The following ARHGAP32 variants were observed in gnomAD, a reference collection of about 807,000 sequenced individuals.
The protein encoded by ARHGAP32 is rho GTPase-activating protein 32.
Under a neutral mutation model 186.5 loss-of-function variants are expected in ARHGAP32, and 51 were observed. That is an observed-to-expected ratio of 0.27 (90% confidence interval 0.22 to 0.35). ARHGAP32 has a LOEUF of 0.35. Among genes scored for constraint, ARHGAP32 ranks in the 10% least tolerant of loss-of-function variants. The pLI is 1.00. For synonymous variants in ARHGAP32, 950 were observed against 964.3 expected (o/e 0.99, Z 0.27); for missense variants, 2,186 against 2,623.5 (o/e 0.83, Z 3.64).
chr11:129,257,237 T>C (rs1341135861), intron 1 of ARHGAP32, among the ~76,000 whole-genome samples: 13 of 152,202 alleles, frequency 8.5e-5, no homozygotes, highest in Admixed American at 7.2e-4. Flanking sequence ...TTTACCAATA[T>C]TGAAATATTT....
chr11:129,086,753 A>G (rs534274900), intron 6 of ARHGAP32, among the ~76,000 whole-genome samples: 195 of 150,280 alleles, frequency 1.3e-3, no homozygotes, highest in Middle Eastern at 6.8e-3. Flanking sequence ...CCCGGGAGGC[A>G]GAGCTTGCAG....
chr11:129,104,120 T>C (rs1941981961), intron 5 of ARHGAP32, among the ~76,000 whole-genome samples: 1 of 152,036 alleles, frequency 6.6e-6, no homozygotes, highest in Non-Finnish European at 1.5e-5. Flanking sequence ...AAAAGCATTT[T>C]CTGATGAACA....
In ARHGAP32 at chr11:128,970,387, C is replaced by A. The variant is rs747843373; in HGVS notation, c.4826G>T (p.Arg1609Leu). 11 of 1,613,994 alleles carry A rather than the reference C, an allele frequency of 6.8e-6. No homozygotes were observed. In the African/African-American group the frequency reaches 1.1e-4, roughly 16 times the overall value. Residue 1609 changes from arginine (R) to leucine (L), a missense_variant, in exon 23 of 23, where the codon CGC (arginine) becomes CTC (leucine). Physicochemically the swap from Arg to Leu is moderately radical, Grantham distance 102. Transcript: ENST00000682385. This position sits in a 1 kb window ranked among gnomAD's most constrained non-coding sequence, Gnocchi z 5.8. ...SLHAPPSSMI[R>L]SVPISRTEVP... ...TTCTGTCCGTGAAATGGGAACAGAG[C>A]GAATCATGGAAGACGGCGGAGCATG...
intron 10 of ARHGAP32, among the ~76,000 whole-genome samples, chr11:129,060,992 G>A (rs1254879711): frequency 6.6e-6 from 1 of 151,996 alleles, no homozygotes; most frequent in African/African-American, 2.4e-5. Context: ...TTAAAACCCA[G>A]ACAATCTGGA....
intron 2 of ARHGAP32, among the ~76,000 whole-genome samples, chr11:129,127,180 C>T (rs946867183): frequency 6.6e-6 from 1 of 152,068 alleles, no homozygotes; most frequent in Non-Finnish European, 1.5e-5. Context: ...GCCTATAATC[C>T]GAATGAGGGA....
chr11:129,221,777 A>C (rs1300997457), intron 1 of ARHGAP32, among the ~76,000 whole-genome samples: 1 of 151,914 alleles, frequency 6.6e-6, no homozygotes, highest in African/African-American at 2.4e-5. Flanking sequence ...ACACCCCTGC[A>C]CCCTAGTCTG....
chr11:128,986,444 C>A, intron 14 of ARHGAP32, 80 bp downstream of exon 14: 1 of 1,497,876 alleles, frequency 6.7e-7, no homozygotes, highest in Non-Finnish European at 9.2e-7. Flanking sequence ...TACATGTGAC[C>A]AAACCAAAGT....
intron 2 of ARHGAP32, among the ~76,000 whole-genome samples, chr11:129,145,421 T>A (rs753035669): frequency 1.3e-5 from 2 of 150,528 alleles, no homozygotes; most frequent in Admixed American, 6.6e-5. Flanking sequence ...TTTTGAAAAA[T>A]TTCTAATAAA....
At chr11:129,204,214 C>T (rs1258681487) in intron 1 of ARHGAP32, among the ~76,000 whole-genome samples, 1 of 151,730 alleles carries the variant, frequency 6.6e-6, no homozygotes, top group East Asian at 1.9e-4. Flanking sequence ...CATATAAAAA[C>T]TATACATATA....
chr11:129,203,469 G>A (rs570468945), intron 1 of ARHGAP32, among the ~76,000 whole-genome samples: 35 of 152,224 alleles, frequency 2.3e-4, no homozygotes, highest in Admixed American at 1.9e-3. Flanking sequence ...ATCTCTATCT[G>A]AAAAGGAATC....
At chr11:129,051,348 G>A (rs976743172) in intron 10 of ARHGAP32, among the ~76,000 whole-genome samples, 1 of 152,192 alleles carries the variant, frequency 6.6e-6, no homozygotes, top group African/African-American at 2.4e-5. Flanking sequence ...ACTGGTGTGG[G>A]ATGGTATCTC....
intron 5 of ARHGAP32, among the ~76,000 whole-genome samples, chr11:129,098,141 C>T (rs1006076475): frequency 6.6e-6 from 1 of 152,166 alleles, no homozygotes; most frequent in Non-Finnish European, 1.5e-5. Flanking sequence ...TAAAGAAAAG[C>T]TGAGGGAGTC....
chr11:129,208,965 A>G (rs968814774), intron 1 of ARHGAP32, among the ~76,000 whole-genome samples: 1 of 152,168 alleles, frequency 6.6e-6, no homozygotes, highest in African/African-American at 2.4e-5. Context: ...CAAGAGCTTA[A>G]TAACAAAAAC....
At chr11:129,202,220 A>G (rs1944464228) in intron 1 of ARHGAP32, among the ~76,000 whole-genome samples, 1 of 152,200 alleles carries the variant, frequency 6.6e-6, no homozygotes. Context: ...ACATATTTTT[A>G]ACTTTCTAAC....
At position 128,972,554 on chromosome 11, in the gene ARHGAP32, G is replaced by T. The variant is rs749894523; in HGVS notation, c.3952C>A (p.Arg1318Ser). 1 of 1,583,906 alleles carries T rather than the reference G, an allele frequency of 6.3e-7. No homozygotes were observed. ...TGGGAAGGCGGAGGGGGAAGGGGAC[G>T]ATTAGTTCTGTGCGTGCGCTGAAGT... ...ATLQRTHRTN[R>S]PLPPPPSQRS... The change falls in exon 22 of 23, where the codon CGT (arginine) becomes AGT (serine). Residue 1318 changes from arginine (R) to serine (S), a missense_variant. By Grantham distance (110) the Arg-to-Ser change is moderately radical (BLOSUM62 -1). Transcript: ENST00000682385.
At chr11:129,083,677 T>C (rs1198961725) in intron 6 of ARHGAP32, among the ~76,000 whole-genome samples, 1 of 152,088 alleles carries the variant, frequency 6.6e-6, no homozygotes, top group Non-Finnish European at 1.5e-5. Flanking sequence ...AACTTATCCA[T>C]ATAATCAAAC....
intron 11 of ARHGAP32, among the ~76,000 whole-genome samples, chr11:129,032,038 C>T (rs1367060704): frequency 2.0e-5 from 3 of 152,144 alleles, no homozygotes; most frequent in Non-Finnish European, 4.4e-5. Context: ...CCACTTCTAC[C>T]GCTCAATAAA....
intron 10 of ARHGAP32, among the ~76,000 whole-genome samples, chr11:129,061,808 C>A (rs919145487): frequency 1.3e-5 from 2 of 152,014 alleles, no homozygotes; most frequent in Non-Finnish European, 2.9e-5. Flanking sequence ...AAAGGGAAAC[C>A]GTAGATAAGG....
At chr11:129,003,405 T>C (rs939071999) in intron 11 of ARHGAP32, among the ~76,000 whole-genome samples, 3 of 152,226 alleles carry the variant, frequency 2.0e-5, no homozygotes, top group Non-Finnish European at 4.4e-5. Context: ...GTAGAATTCG[T>C]TTGGAAGTAC....
Sources: allele counts gnomAD v4.1 joint callset (sites outside exome capture counted in the v4.1 genomes callset), GRCh38; gene constraint gnomAD v4.1.1; non-coding constraint Gnocchi (gnomAD v3.1); transcripts MANE v1.5; gene names NCBI Gene and HGNC (gene_info 2026-07-23, HGNC 2026-07-21).